The following MYH2 variants were observed in gnomAD, a reference collection of about 807,000 sequenced individuals.
The protein encoded by MYH2 is myosin-2.
Under a neutral mutation model 228.1 loss-of-function variants are expected in MYH2, and 139 were observed. The ratio of observed to expected loss-of-function variants is 0.61; its 90% confidence interval spans 0.53 to 0.70. MYH2 has a LOEUF of 0.70. Among genes scored for constraint, MYH2 ranks in the 30% least tolerant of loss-of-function variants. The pLI is 0.00. For missense variants in MYH2, 1,809 were observed against 2,357.5 expected (o/e 0.77, Z 4.82); for synonymous variants, 796 against 871.1 (o/e 0.91, Z 1.52).
rs1466573217 is a variant in MYH2, at chr17:10,525,225, T to A, written c.4661A>T (p.Glu1554Val). ...TATAATGCACAATTTTACATGTACCTCTGCTTCTTCTAAAGCAGCCTGAAG... is the reference window on the plus strand; with the variant it reads ...TATAATGCACAATTTTACATGTACCACTGCTTCTTCTAAAGCAGCCTGAAG... ...CELQAALEEA[E>V]ASLEHEEGKI... Residue 1554 changes from glutamate to valine, a missense_variant and splice_region_variant, in exon 33 of 40, where the codon GAG (glutamate) becomes GTG (valine). By Grantham distance (121) the Glu-to-Val change is moderately radical. Around this residue, in one of 9 missense-constraint regions of MYH2, gnomAD observed 636 missense variants for 729.9 expected, o/e 0.87. Transcript: ENST00000245503. The surrounding 1 kb of genome is among the most constrained non-coding windows in gnomAD (Gnocchi z 4.2). 6.2e-7 allele frequency: 1 copy of A among 1,614,042 alleles called. No individual in the cohort carries two copies. The highest frequency in any genetic ancestry group is 8.5e-7 in the Non-Finnish European group (1 of 1,180,048).
chr17:10,527,716 C>A (rs1792283277), intron 28 of MYH2, 32 bp downstream of exon 28: 1 of 1,613,514 alleles, frequency 6.2e-7, no homozygotes, highest in Admixed American at 1.7e-5. Context: ...ATCCTCTCCA[C>A]CCTGAAGCTG....
chr17:10,524,497 G>C lies in MYH2; in HGVS notation c.5144C>G (p.Ala1715Gly), dbSNP rs1329111988. The C allele has an allele frequency of 1.5e-5, 24 of 1,614,144 alleles. No individual in the cohort carries two copies. Among genetic ancestry groups the C allele is most frequent in the Non-Finnish European group, 1.9e-5 (23 of 1,180,028 alleles). The change falls in exon 35 of 40, where the codon GCC becomes GGC. Residue 1715 changes from alanine to glycine, a missense_variant. Physicochemically the swap from Ala to Gly is moderately conservative, Grantham distance 60. Coordinates refer to ENST00000245503, the MANE Select transcript of MYH2 (RefSeq NM_017534.6). This position sits in a 1 kb window ranked among gnomAD's most constrained non-coding sequence, Gnocchi z 4.7. ...RKIAEQELLD[A>G]SERVQLLHTQ... ...GTGCAGTAGCTGAACACGCTCACTGGCATCCAGGAGCTCCTGTTCTGCGAT... is the reference window on the plus strand; with the variant it reads ...GTGCAGTAGCTGAACACGCTCACTGCCATCCAGGAGCTCCTGTTCTGCGAT...
At chr17:10,534,022 A>G (rs1013436283) in intron 19 of MYH2, among the ~76,000 whole-genome samples, 6 of 152,366 alleles carry the variant, frequency 3.9e-5, no homozygotes, top group Middle Eastern at 3.4e-3. Context: ...TTAGGTATTC[A>G]GAACTATCCT....
At position 10,524,116 on chromosome 17, in the gene MYH2, A is replaced by C. The variant is rs1460432662; in HGVS notation, c.5176-232T>G. On this transcript the variant is annotated intron_variant, in intron 35 of 39. Transcript: ENST00000245503. This position sits in a 1 kb window ranked among gnomAD's most constrained non-coding sequence, Gnocchi z 4.7. The stretch of plus-strand genomic sequence containing the variant: ...GCAGACCAAGTAGCTCTATAATTTT[A>C]TAATTATCATTTACCAATAGACCAT... 6.6e-6 allele frequency among the ~76,000 whole-genome samples: 1 copy of C among 152,254 alleles called. No individual in the cohort carries two copies. The highest frequency in any genetic ancestry group is 1.5e-5 in the Non-Finnish European group (1 of 68,046).
Position 10,525,126 on chromosome 17 carries a change from A to G in MYH2, c.4663-61T>C. 1 of 1,614,018 alleles carries G rather than the reference A, an allele frequency of 6.2e-7. No individual in the cohort carries two copies. Among genetic ancestry groups the G allele is most frequent in the Non-Finnish European group, 8.5e-7 (1 of 1,179,966 alleles). On this transcript the variant is annotated intron_variant, in intron 33 of 39. Coordinates refer to ENST00000245503, the MANE Select transcript of MYH2 (RefSeq NM_017534.6). The surrounding 1 kb of genome is among the most constrained non-coding windows in gnomAD (Gnocchi z 4.2). Reference sequence around the variant, plus strand: ...CAAAAGCTTTATGAAGTTTTTCTGCACAGCAATAATTTTGTGCTATGTGTC... The same window carrying G: ...CAAAAGCTTTATGAAGTTTTTCTGCGCAGCAATAATTTTGTGCTATGTGTC...
chr17:10,539,329 G>T lies in MYH2; in HGVS notation c.1292C>A (p.Ala431Asp), dbSNP rs1169173288. 6.2e-7 allele frequency: 1 copy of T among 1,614,188 alleles called. No homozygotes were observed. Residue 431 changes from alanine to aspartate, a missense_variant, in exon 14 of 40, where the codon GCC (alanine) becomes GAC (aspartate). Physicochemically the swap from Ala to Asp is moderately radical, Grantham distance 126 (BLOSUM62 -2). Around this residue, in one of 9 missense-constraint regions of MYH2, gnomAD observed 373 missense variants for 620.4 expected, o/e 0.60. Transcript: ENST00000245503. Reference sequence around the variant, plus strand: ...GAACATCTTCTCGTAGACGGCTTTGGCCAGAGCACCTACTGCGTTGGACAC... The same window carrying T: ...GAACATCTTCTCGTAGACGGCTTTGTCCAGAGCACCTACTGCGTTGGACAC... ...EQVSNAVGAL[A>D]KAVYEKMFLW...
At chr17:10,544,223 G>T in intron 5 of MYH2, 96 bp from the exon 6 acceptor site, 1 of 1,483,322 alleles carries the variant, frequency 6.7e-7, no homozygotes. Flanking sequence ...TATTCAGTCT[G>T]GACTTTGCAA....
rs1485283666 is a variant in MYH2 at position 10,528,043 on chromosome 17, C to CTTT, written c.3745-172_3745-170dup. The stretch of plus-strand genomic sequence containing the variant: ...ATGTAATGCAGAAAAATTTTTCTTT[C>CTTT]TTTCTTTTTTTTTTTTTTTGAGACA... On this transcript the variant is annotated intron_variant, in intron 27 of 39. Coordinates refer to ENST00000245503, the MANE Select transcript of MYH2 (RefSeq NM_017534.6). Among the ~76,000 whole-genome samples the CTTT allele has an allele frequency of 1.7e-4, 23 of 136,170 alleles. No individual in the cohort carries two copies. In the East Asian group the frequency reaches 5.7e-3, roughly 34 times the overall value. 89.3% of individuals were successfully genotyped at this position (136,170 alleles called of 152,430 possible). A position where few individuals can be genotyped will look rare whatever the true frequency, so the allele number is the denominator to read the frequency against.
rs1219893961 is a variant in MYH2 at position 10,525,890 on chromosome 17, C to T, written c.4188-14G>A. 2 of 1,613,508 alleles carry T rather than the reference C, an allele frequency of 1.2e-6. No individual in the cohort carries two copies. The highest frequency in any genetic ancestry group is 1.7e-6 in the Non-Finnish European group (2 of 1,179,508). On this transcript the variant is annotated splice_polypyrimidine_tract_variant and intron_variant, in intron 30 of 39. Transcript: ENST00000245503. The surrounding 1 kb of genome is among the most constrained non-coding windows in gnomAD (Gnocchi z 4.2). ...GCCAGCTTCTTCCTTGAATATTATA[C>T]ATGTTTTCAGAGAGAAGTGAACCAT...
rs775563015 is a variant in MYH2, at chr17:10,524,664, G to C, written c.4977C>G (p.Thr1659=). 4 of 1,614,206 alleles carry C rather than the reference G, an allele frequency of 2.5e-6. No homozygotes were observed. Among genetic ancestry groups the C allele is most frequent in the Non-Finnish European group, 3.4e-6 (4 of 1,180,048 alleles). ...YRNTQGILKD[T]QIHLDDALRS... is the part of the protein sequence containing the mutation. ...GGAGAGCATCATCCAGGTGGATCTG[G>C]GTATCCTGTGAAACAAACCATCATT... Residue 1659 remains threonine (T), a synonymous_variant, in exon 35 of 40, where the codon ACC becomes ACG. Coordinates refer to ENST00000245503, the MANE Select transcript of MYH2 (RefSeq NM_017534.6). The surrounding 1 kb of genome is among the most constrained non-coding windows in gnomAD (Gnocchi z 4.7).
At chr17:10,522,212 T>C (rs900715428) in intron 39 of MYH2, among the ~76,000 whole-genome samples, 14 of 152,236 alleles carry the variant, frequency 9.2e-5, no homozygotes, top group African/African-American at 3.4e-4. Flanking sequence ...TTGAAAGACC[T>C]ATCTGGACTT....
chr17:10,528,672 T>C lies in MYH2; in HGVS notation c.3744+18A>G. 1 of 1,613,994 alleles carries C rather than the reference T, an allele frequency of 6.2e-7. No individual in the cohort carries two copies. The highest frequency in any genetic ancestry group is 8.5e-7 in the Non-Finnish European group (1 of 1,179,898). ...TAATGCATTATTTTCAATAACAATT[T>C]CCCAGAATTTGTAGTACCTTGGCTT... is the stretch of plus-strand genomic sequence containing the variant. On this transcript the variant is annotated intron_variant, in intron 27 of 39. Transcript: ENST00000245503.
chr17:10,535,695 G>A (rs765363019), intron 17 of MYH2, among the ~76,000 whole-genome samples: 1 of 152,072 alleles, frequency 6.6e-6, no homozygotes, highest in Non-Finnish European at 1.5e-5. Flanking sequence ...CGAGATGATC[G>A]CTCTTTCTTC....
chr17:10,535,219 A>T (rs771806552), intron 18 of MYH2, 29 bp from the exon 19 acceptor site: 80 of 1,613,874 alleles, frequency 5.0e-5, no homozygotes, highest in Non-Finnish European at 2.5e-5. Flanking sequence ...TTCACTGCAG[A>T]GCTGTTGAAA....
At chr17:10,535,047 A>C (rs1441865766) in intron 19 of MYH2, 26 bp downstream of exon 19, 18 of 1,609,542 alleles carry the variant, frequency 1.1e-5, no homozygotes, top group Non-Finnish European at 1.4e-5. Context: ...AAACTTCAGA[A>C]TACACCATAA....
intron 22 of MYH2, among the ~76,000 whole-genome samples, chr17:10,530,315 T>C (rs1331099630): frequency 3.3e-5 from 5 of 152,244 alleles, no homozygotes; most frequent in African/African-American, 7.2e-5. Flanking sequence ...TTAGAAAACC[T>C]ATTTCCCAAA....
intron 14 of MYH2, 177 bp from the exon 15 acceptor site, chr17:10,538,012 T>A (rs1242297022): frequency 8.3e-7 from 1 of 1,200,682 alleles, no homozygotes; most frequent in East Asian, 2.6e-5. Context: ...TGAGGGCATG[T>A]GGAAGCTACT....
intron 14 of MYH2, 125 bp downstream of exon 14, chr17:10,539,080 C>G: frequency 1.3e-6 from 2 of 1,557,148 alleles, no homozygotes; most frequent in East Asian, 4.5e-5. Context: ...ACCAGTTACT[C>G]TCTTTTAAGG....
chr17:10,543,503 A>T (rs906050914), intron 8 of MYH2, among the ~76,000 whole-genome samples: 1 of 152,206 alleles, frequency 6.6e-6, no homozygotes, highest in Admixed American at 6.5e-5. Context: ...GAGTAAGTGT[A>T]GATCATGACA....
Sources: allele counts gnomAD v4.1 joint callset (sites outside exome capture counted in the v4.1 genomes callset), GRCh38; gene constraint gnomAD v4.1.1; regional missense constraint gnomAD v4.1.1; non-coding constraint Gnocchi (gnomAD v3.1); transcripts MANE v1.5; gene names NCBI Gene and HGNC (gene_info 2026-07-23, HGNC 2026-07-21).